Variants in KCNK9 observed in about 807,000 individuals in gnomAD.
KCNK9 encodes potassium two pore domain channel subfamily K member 9, also known as potassium channel subfamily K member 9.
Under a neutral mutation model 10.8 loss-of-function variants are expected in KCNK9, and 1 was observed. The ratio of observed to expected loss-of-function variants is 0.09; its 90% CI spans 0.03 to 0.44. KCNK9 has a LOEUF of 0.44. Among genes scored for constraint, KCNK9 ranks in the 20% least tolerant of loss-of-function variants. KCNK9 has a pLI of 0.97. For missense variants in KCNK9, 303 were observed against 515.0 expected, an observed-to-expected ratio of 0.59 and a Z score of 3.98; for synonymous variants, 231 against 222.7, an observed-to-expected ratio of 1.04 and a Z score of -0.33.
chr8:139,652,879 G>A (rs1179068102), intron 1 of KCNK9, among the ~76,000 whole-genome samples: 3 of 152,336 alleles, frequency 2.0e-5, no homozygotes, highest in Admixed American at 6.5e-5. Flanking sequence ...GACAGGGACA[G>A]GACCATGGTC....
At chr8:139,651,033 G>A (rs546642476) in intron 1 of KCNK9, among the ~76,000 whole-genome samples, 6 of 152,142 alleles carry the variant, frequency 3.9e-5, no homozygotes, top group Non-Finnish European at 7.4e-5. Context: ...AGGTCAGGGA[G>A]CCCACCCCCT....
At chr8:139,686,630 G>C (rs1428786331) in intron 1 of KCNK9, among the ~76,000 whole-genome samples, 5 of 152,124 alleles carry the variant, frequency 3.3e-5, no homozygotes, top group Non-Finnish European at 7.3e-5. Flanking sequence ...CAAAAGCCAA[G>C]GCACAGAGAA....
At chr8:139,667,072 C>T (rs920577780) in intron 1 of KCNK9, among the ~76,000 whole-genome samples, 1 of 152,256 alleles carries the variant, frequency 6.6e-6, no homozygotes, top group African/African-American at 2.4e-5. Context: ...GCAGACCAGA[C>T]AGCCCAAGGG....
Position 139,702,569 on chromosome 8 carries a change from G to A in KCNK9, c.283+141C>T, listed in dbSNP as rs1586703926. On this transcript the variant is annotated intron_variant, in intron 1 of 1. Transcript: ENST00000520439. The surrounding 1 kb of genome is among the most constrained non-coding windows in gnomAD (Gnocchi z 7.5). ...CCGCGGAGGGGGGGCTCCCTAGAGA[G>A]GAGGGGGCGCTGCGGGAAGGCCCCC... 1 of 848,336 alleles carries A rather than the reference G, an allele frequency of 1.2e-6. No homozygotes were observed. Among genetic ancestry groups the A allele is most frequent in the Non-Finnish European group, 1.8e-6 (1 of 565,600 alleles). 52.6% of individuals were successfully genotyped at this position (848,336 alleles called of 1,614,324 possible). A position where few individuals can be genotyped will look rare whatever the true frequency, so the allele number is the denominator to read the frequency against.
intron 1 of KCNK9, among the ~76,000 whole-genome samples, chr8:139,666,966 A>G (rs1816316917): frequency 6.6e-6 from 1 of 152,156 alleles, no homozygotes; most frequent in Non-Finnish European, 1.5e-5. Flanking sequence ...CCTGTCCCCT[A>G]TGGCAGCATT....
intron 1 of KCNK9, among the ~76,000 whole-genome samples, chr8:139,632,310 T>C (rs1815198044): frequency 6.6e-6 from 1 of 152,184 alleles, no homozygotes; most frequent in Non-Finnish European, 1.5e-5. Flanking sequence ...GTTCACAGCA[T>C]GTTTTCACTG....
At chr8:139,603,491 A>T (rs1403444304) in intron 2 of KCNK9, among the ~76,000 whole-genome samples, 1 of 152,208 alleles carries the variant, frequency 6.6e-6, no homozygotes, top group East Asian at 1.9e-4. Context: ...GAGTCAGTAC[A>T]TAAAGTCCAA....
At chr8:139,644,326 A>T (rs1223157380) in intron 1 of KCNK9, among the ~76,000 whole-genome samples, 1 of 152,188 alleles carries the variant, frequency 6.6e-6, no homozygotes, top group Non-Finnish European at 1.5e-5. Context: ...TTCTCCTTCC[A>T]GCGGGCTCCC....
In KCNK9 at chr8:139,702,638, G is replaced by T; in HGVS notation, c.283+72C>A. The T allele has an allele frequency of 6.7e-7, 1 of 1,486,306 alleles. No individual in the cohort carries two copies. Among genetic ancestry groups the T allele is most frequent in the Non-Finnish European group, 9.0e-7 (1 of 1,108,998 alleles). The allele number at this position is 1,486,306 out of a possible 1,614,324, so 92.1% of individuals were successfully genotyped here. On this transcript the variant is annotated intron_variant, in intron 1 of 1. Coordinates refer to ENST00000520439, the MANE Select transcript of KCNK9 (RefSeq NM_001282534.2). The surrounding 1 kb of genome is among the most constrained non-coding windows in gnomAD (Gnocchi z 7.5). The stretch of plus-strand genomic sequence containing the variant: ...CCCTCGACGCCCTGCACCCAGCCCG[G>T]CGCGGCGCGCTCAGCCGCCTCCCCG...
intron 1 of KCNK9, among the ~76,000 whole-genome samples, chr8:139,696,783 G>C (rs1334709777): frequency 7.0e-6 from 1 of 143,348 alleles, no homozygotes. Flanking sequence ...GGATGGATGA[G>C]TGGGTAAATG....
intron 1 of KCNK9, among the ~76,000 whole-genome samples, chr8:139,642,177 G>T (rs532177076): frequency 1.3e-5 from 2 of 152,108 alleles, no homozygotes; most frequent in Non-Finnish European, 2.9e-5. Context: ...TGACACAGGG[G>T]CAGCGCTTCC....
At chr8:139,621,807 C>G (rs62520180) in intron 1 of KCNK9, among the ~76,000 whole-genome samples, 1 of 152,122 alleles carries the variant, frequency 6.6e-6, no homozygotes, top group Non-Finnish European at 1.5e-5. Context: ...CTCCATATAG[C>G]TCACCTGTAG....
intron 1 of KCNK9, among the ~76,000 whole-genome samples, chr8:139,656,399 C>T (rs913933884): frequency 3.3e-5 from 5 of 152,180 alleles, no homozygotes; most frequent in African/African-American, 9.6e-5. Context: ...GCAGCAAGCT[C>T]TTACCACCTC....
At chr8:139,619,461 G>GC (rs2130107224) in intron 1 of KCNK9, among the ~76,000 whole-genome samples, 1 of 152,220 alleles carries the variant, frequency 6.6e-6, no homozygotes, top group South Asian at 2.1e-4. Flanking sequence ...CCACATAAAG[G>GC]CTTTAAAAAG....
At chr8:139,615,636 G>A (rs1297779765), downstream of KCNK9, among the ~76,000 whole-genome samples, 9 of 152,078 alleles carry the variant, frequency 5.9e-5, no homozygotes, top group East Asian at 1.5e-3. Flanking sequence ...CCTTCAAAGG[G>A]CTAAGCTGGT....
Position 139,702,528 on chromosome 8 carries a change from G to T in KCNK9, c.283+182C>A, listed in dbSNP as rs963721980. 5.9e-5 allele frequency among the ~76,000 whole-genome samples: 9 copies of T among 152,152 alleles called. No homozygotes were observed. Among genetic ancestry groups the T allele is most frequent in the African/African-American group, 2.2e-4 (9 of 41,456 alleles). On this transcript the variant is annotated intron_variant, in intron 1 of 1. Transcript: ENST00000520439. The surrounding 1 kb of genome is among the most constrained non-coding windows in gnomAD (Gnocchi z 7.5). ...GAGCACCGGGTGGGGTCCCCGAAGG[G>T]TGAGGCTCGGAGGCGCCGCGGAGGG... is the stretch of plus-strand genomic sequence containing the variant.
At chr8:139,697,347 TTGGATGGA>T (rs75812728) in intron 1 of KCNK9, among the ~76,000 whole-genome samples, 218 of 143,794 alleles carry the variant, frequency 1.5e-3, no homozygotes, top group African/African-American at 3.9e-3. Flanking sequence ...GAGTGGATGG[TTGGATGGA>T]TGGATGGATG....
At chr8:139,654,291 G>A (rs1266579250) in intron 1 of KCNK9, among the ~76,000 whole-genome samples, 4 of 152,228 alleles carry the variant, frequency 2.6e-5, no homozygotes, top group Admixed American at 6.5e-5. Flanking sequence ...GTGACCTGCA[G>A]CGTTCAGCCC....
intron 1 of KCNK9, among the ~76,000 whole-genome samples, chr8:139,677,196 A>C (rs907515310): frequency 6.6e-6 from 1 of 152,120 alleles, no homozygotes; most frequent in African/African-American, 2.4e-5. Flanking sequence ...TGCTGGGCAC[A>C]GCAGGTGGTG....
Sources: gnomAD v4.1 joint callset for allele counts (sites outside exome capture counted in the v4.1 genomes callset) on GRCh38, gnomAD v4.1.1 for gene constraint, Gnocchi (gnomAD v3.1) non-coding constraint, MANE v1.5 for transcripts, NCBI Gene and HGNC (gene_info 2026-07-23, HGNC 2026-07-21) for gene names.